Variants in ELF2 observed in about 807,000 individuals in gnomAD.
The protein encoded by ELF2 is E74 like ETS transcription factor 2, also known as ETS-related transcription factor Elf-2.
A neutral mutation model predicts 54.8 loss-of-function variants in ELF2; 11 were observed. That is an observed-to-expected ratio of 0.20 (90% CI 0.13 to 0.33). The LOEUF (loss-of-function observed/expected upper bound fraction) is 0.33, where lower values mean the gene tolerates loss of function less well. ELF2 is among the 10% of genes least tolerant of loss of function. The probability of loss-of-function intolerance (pLI) is 1.00; values close to 1 mark genes in which losing one functional copy is unlikely to be tolerated. For synonymous variants in ELF2, 203 were observed against 245.1 expected (o/e 0.83, Z 1.61); for missense variants, 513 against 703.0 (o/e 0.73, Z 3.06).
chr4:139,113,016 C>T (rs1735130714), intron 4 of ELF2, among the ~76,000 whole-genome samples: 1 of 152,210 alleles, frequency 6.6e-6, no homozygotes, highest in African/African-American at 2.4e-5. Context: ...ACTTTTCTTT[C>T]CTTTTACATA....
intron 4 of ELF2, among the ~76,000 whole-genome samples, chr4:139,114,639 T>C (rs1735389373): frequency 1.7e-5 from 1 of 59,800 alleles, no homozygotes; most frequent in Non-Finnish European, 3.1e-5. Flanking sequence ...TTTTTTTTTC[T>C]TTCTTTTTTT....
intron 4 of ELF2, among the ~76,000 whole-genome samples, chr4:139,094,806 T>A (rs1335144532): frequency 6.6e-6 from 1 of 152,176 alleles, no homozygotes; most frequent in Non-Finnish European, 1.5e-5. Flanking sequence ...GGCATCTAAT[T>A]TTAGATTTAT....
At chr4:139,112,781 T>C (rs1385332841) in intron 4 of ELF2, among the ~76,000 whole-genome samples, 1 of 152,182 alleles carries the variant, frequency 6.6e-6, no homozygotes, top group African/African-American at 2.4e-5. Context: ...AAAAGTTAAC[T>C]AGTGTTTCTT....
At chr4:139,126,395 G>A (rs1736926030) in intron 3 of ELF2, among the ~76,000 whole-genome samples, 1 of 151,314 alleles carries the variant, frequency 6.6e-6, no homozygotes. Context: ...AAAAAGGTTT[G>A]GAAAGAAATC....
intron 4 of ELF2, among the ~76,000 whole-genome samples, chr4:139,108,099 G>A (rs1003132046): frequency 6.6e-6 from 1 of 152,150 alleles, no homozygotes; most frequent in African/African-American, 2.4e-5. Context: ...TCAATTTGTC[G>A]ATGATAGGCT....
rs553179337 is a variant in ELF2, at chr4:139,104,765, G to C, written c.238+20399C>G. On this transcript the variant is annotated intron_variant, in intron 4 of 9. Transcript: ENST00000686138. ...GATTTAGGAATACTTAATTCCATTT[G>C]ACTTGTTCCTCTGCCTCTAACCAGA... Among the ~76,000 whole-genome samples the C allele has an allele frequency of 2.0e-5, 3 of 152,196 alleles. No homozygotes were observed. In the South Asian group the frequency reaches 6.2e-4, roughly 32 times the overall value.
intron 3 of ELF2, among the ~76,000 whole-genome samples, chr4:139,126,155 A>G (rs1736898309): frequency 6.6e-6 from 1 of 152,174 alleles, no homozygotes; most frequent in Non-Finnish European, 1.5e-5. Flanking sequence ...AAATACAAGT[A>G]AAAGAATTTT....
chr4:139,163,589 A>T (rs544150049), intron 1 of ELF2, among the ~76,000 whole-genome samples: 1 of 152,308 alleles, frequency 6.6e-6, no homozygotes, highest in South Asian at 2.1e-4. Context: ...TAAGCTGTGG[A>T]AAGTTTGTGA....
intron 4 of ELF2, among the ~76,000 whole-genome samples, chr4:139,109,448 C>T (rs1291509784): frequency 6.6e-6 from 1 of 152,126 alleles, no homozygotes; most frequent in Non-Finnish European, 1.5e-5. Flanking sequence ...CAAAGTAGTA[C>T]TAACAAGCCA....
intron 4 of ELF2, among the ~76,000 whole-genome samples, chr4:139,106,569 T>G (rs56159618): frequency 0.014 from 2,152 of 148,636 alleles, 49 homozygotes; most frequent in African/African-American, 0.049. Flanking sequence ...CATATTACGG[T>G]TTTTTTTTTC....
intron 5 of ELF2, among the ~76,000 whole-genome samples, chr4:139,072,747 T>C (rs1019254826): frequency 2.0e-5 from 3 of 152,202 alleles, no homozygotes; most frequent in Non-Finnish European, 2.9e-5. Flanking sequence ...AATTAATACA[T>C]ACTATCTTAG....
intron 4 of ELF2, among the ~76,000 whole-genome samples, chr4:139,119,894 C>A (rs570117914): frequency 4.3e-4 from 66 of 152,286 alleles, no homozygotes; most frequent in African/African-American, 1.6e-3. Flanking sequence ...TTGCCTCAGC[C>A]TCCTGAGTAG....
chr4:139,078,966 T>C (rs1020201972), intron 4 of ELF2, among the ~76,000 whole-genome samples: 1 of 152,238 alleles, frequency 6.6e-6, no homozygotes, highest in Non-Finnish European at 1.5e-5. Flanking sequence ...TCTCGCTTTG[T>C]TGCTCAGGTT....
intron 4 of ELF2, among the ~76,000 whole-genome samples, chr4:139,103,596 C>T (rs1734130362): frequency 6.6e-6 from 1 of 152,224 alleles, no homozygotes; most frequent in Non-Finnish European, 1.5e-5. Context: ...GACCCTTCCC[C>T]AATACTTCAC....
In ELF2 at chr4:139,058,948, A is replaced by G. The variant is rs774450717; in HGVS notation, c.*35T>C. On this transcript the variant is annotated 3_prime_UTR_variant, in exon 10 of 10. Coordinates refer to ENST00000686138, the MANE Select transcript of ELF2 (RefSeq NM_001331036.3). ...TGCAAATGTTTATGTCAGTACTGCC[A>G]CTAACAGCCTGAAGTCCATGGTGGA... The G allele has an allele frequency of 1.2e-5, 18 of 1,559,428 alleles. No individual in the cohort carries two copies. In the East Asian group the frequency reaches 3.8e-4, roughly 33 times the overall value.
chr4:139,133,685 A>C (rs1039969755), intron 3 of ELF2, among the ~76,000 whole-genome samples: 3 of 148,252 alleles, frequency 2.0e-5, no homozygotes, highest in African/African-American at 7.5e-5. Context: ...CCTGAGCTGC[A>C]CCTGAACTCC....
chr4:139,071,787 T>A, intron 6 of ELF2, 79 bp downstream of exon 6: 1 of 1,337,258 alleles, frequency 7.5e-7, no homozygotes, highest in South Asian at 1.5e-5. Context: ...CATATACTAC[T>A]TTCTATGTCC....
At chr4:139,149,479 T>C (rs544956716) in intron 1 of ELF2, among the ~76,000 whole-genome samples, 121 of 152,192 alleles carry the variant, frequency 8.0e-4, no homozygotes, top group Non-Finnish European at 1.4e-3. Flanking sequence ...CTAGGCGTGG[T>C]GGCATGAGCT....
chr4:139,125,072 G>T, intron 4 of ELF2, 92 bp downstream of exon 4: 1 of 1,471,618 alleles, frequency 6.8e-7, no homozygotes. Flanking sequence ...CATTAAAAAG[G>T]TTTTTCAGTA....
Sources: allele counts gnomAD v4.1 joint callset (sites outside exome capture counted in the v4.1 genomes callset), GRCh38; gene constraint gnomAD v4.1.1; transcripts MANE v1.5; gene names NCBI Gene and HGNC (gene_info 2026-07-23, HGNC 2026-07-21).